The following GUCA1C variants were observed in gnomAD, a reference collection of about 807,000 sequenced individuals.
GUCA1C encodes guanylyl cyclase-activating protein 3.
GUCA1C carries 15 observed loss-of-function variants against 16.2 expected under a neutral mutation model. The observed-to-expected ratio is 0.93, with a 90% CI of 0.62 to 1.43. The LOEUF (loss-of-function observed/expected upper bound fraction) is 1.43. Ranked by LOEUF, GUCA1C falls within the 40% of genes most tolerant of loss-of-function variation. The pLI, the probability that GUCA1C is intolerant of heterozygous loss-of-function variation, is 0.00. For synonymous variants in GUCA1C, 78 were observed against 85.4 expected (o/e 0.91, Z 0.48); for missense variants, 275 against 244.8 (o/e 1.12, Z -0.82).
chr3:108,950,482 T>C (rs970188449), intron 1 of GUCA1C, among the ~76,000 whole-genome samples: 6 of 152,216 alleles, frequency 3.9e-5, no homozygotes, highest in African/African-American at 1.2e-4. Flanking sequence ...CTGTTTTCCA[T>C]AGTAGCTGTA....
chr3:108,945,372 T>C (rs1156465559), intron 1 of GUCA1C, among the ~76,000 whole-genome samples: 1 of 152,206 alleles, frequency 6.6e-6, no homozygotes, highest in Non-Finnish European at 1.5e-5. Context: ...TCAAGTCCCA[T>C]CATCTCACCT....
chr3:108,935,751 A>G (rs1946721432), intron 1 of GUCA1C, among the ~76,000 whole-genome samples: 1 of 152,132 alleles, frequency 6.6e-6, no homozygotes. Context: ...GTACGAATAT[A>G]TGGTTAATTT....
intron 1 of GUCA1C, among the ~76,000 whole-genome samples, chr3:108,944,078 G>T (rs530777197): frequency 2.0e-5 from 3 of 151,898 alleles, no homozygotes; most frequent in Admixed American, 1.3e-4. Flanking sequence ...ATAAAGAAAA[G>T]AAATATATTT....
intron 1 of GUCA1C, among the ~76,000 whole-genome samples, chr3:108,945,921 A>C (rs1290454199): frequency 6.6e-6 from 1 of 152,166 alleles, no homozygotes; most frequent in East Asian, 1.9e-4. Flanking sequence ...GTGTGAGCTG[A>C]TTGTTAAATT....
chr3:108,919,944 G>A (rs1946554026), intron 2 of GUCA1C, among the ~76,000 whole-genome samples: 1 of 152,164 alleles, frequency 6.6e-6, no homozygotes, highest in African/African-American at 2.4e-5. Context: ...TGGGGTGGTG[G>A]TACAGTGGCT....
intron 1 of GUCA1C, among the ~76,000 whole-genome samples, chr3:108,923,382 C>T (rs1408025629): frequency 1.3e-5 from 2 of 152,136 alleles, no homozygotes; most frequent in African/African-American, 2.4e-5. Context: ...TGCCAATTAT[C>T]CCAGCACCAT....
intron 1 of GUCA1C, among the ~76,000 whole-genome samples, chr3:108,933,344 C>A: frequency 6.6e-6 from 1 of 151,280 alleles, no homozygotes; most frequent in Non-Finnish European, 1.5e-5. Context: ...ATAATTTTAA[C>A]CCCAACATGT....
At chr3:108,946,547 C>G (rs1436349830) in intron 1 of GUCA1C, among the ~76,000 whole-genome samples, 2 of 152,164 alleles carry the variant, frequency 1.3e-5, no homozygotes, top group Non-Finnish European at 1.5e-5. Flanking sequence ...CCACCTGAAC[C>G]TAGCAGACAA....
At position 108,916,182 on chromosome 3, in the gene GUCA1C, C is replaced by CA. The variant is rs775773255; in HGVS notation, c.386dup (p.Ser130GlufsTer3). The CA allele has an allele frequency of 3.1e-6, 5 of 1,613,660 alleles. No homozygotes were observed. The African/African-American group carries it at 6.7e-5, about 22-fold the overall frequency. ...CCAAGTTGATGAATTCTTCAGGACT[C>CA]AGAGTTTGCTGGCCATTGAGGGCTT... On this transcript the variant is annotated frameshift_variant, in exon 3 of 4. Coordinates refer to ENST00000261047, the MANE Select transcript of GUCA1C (RefSeq NM_005459.4). LOFTEE classifies it high-confidence loss of function.
chr3:108,953,716 G>A lies in GUCA1C; in HGVS notation c.47C>T (p.Thr16Ile). ...TCTGTACCACACATGGGTCTCTTGTGTAGGAACTGCTTTCTGATCACCAGC... is the reference window on the plus strand; with the variant it reads ...TCTGTACCACACATGGGTCTCTTGTATAGGAACTGCTTTCTGATCACCAGC... Reference protein sequence around the residue: ...SIAGDQKAVPTQETHVWYRTF... With the variant: ...SIAGDQKAVPIQETHVWYRTF... Residue 16 changes from threonine (T) to isoleucine (I), a missense_variant, in exon 1 of 4, where the codon ACA (threonine) becomes ATA (isoleucine). Physicochemically the swap from Thr to Ile is moderately conservative, Grantham distance 89 (BLOSUM62 -1). Coordinates refer to ENST00000261047, the MANE Select transcript of GUCA1C (RefSeq NM_005459.4). 6.2e-7 allele frequency: 1 copy of A among 1,613,320 alleles called. No homozygotes were observed. The highest frequency in any genetic ancestry group is 8.5e-7 in the Non-Finnish European group (1 of 1,179,280).
intron 1 of GUCA1C, among the ~76,000 whole-genome samples, chr3:108,948,825 C>T (rs559465718): frequency 6.6e-6 from 1 of 150,490 alleles, no homozygotes; most frequent in Admixed American, 6.6e-5. Flanking sequence ...CCTTGTGAAA[C>T]TTGTGTCTAA....
intron 2 of GUCA1C, 25 bp downstream of exon 2, chr3:108,920,411 A>C: frequency 1.3e-6 from 2 of 1,585,592 alleles, no homozygotes; most frequent in Non-Finnish European, 1.7e-6. Context: ...GCGGCCTGAA[A>C]AGGATACTTT....
intron 1 of GUCA1C, among the ~76,000 whole-genome samples, chr3:108,950,670 A>G (rs1946887948): frequency 6.6e-6 from 1 of 152,208 alleles, no homozygotes; most frequent in Admixed American, 6.5e-5. Context: ...TTTTATTTTA[A>G]GCACTATCCT....
At chr3:108,954,872 G>A (rs1946933107), upstream of GUCA1C, among the ~76,000 whole-genome samples, 1 of 151,822 alleles carries the variant, frequency 6.6e-6, no homozygotes, top group South Asian at 2.1e-4. Context: ...GAGTAGCTGG[G>A]ACTACAGGCG....
chr3:108,927,432 CTTTTT>C (rs55930777), intron 1 of GUCA1C, among the ~76,000 whole-genome samples: 4 of 128,274 alleles, frequency 3.1e-5, no homozygotes, highest in Admixed American at 7.8e-5. Flanking sequence ...TTTTTTAATT[CTTTTT>C]TTTTTTTTTT....
intron 1 of GUCA1C, among the ~76,000 whole-genome samples, chr3:108,949,437 C>CTGTA (rs1040089369): frequency 1.2e-4 from 19 of 152,170 alleles, no homozygotes; most frequent in African/African-American, 4.3e-4. Flanking sequence ...GAGCCAAAGC[C>CTGTA]TGTAGACAGA....
At chr3:108,915,191 T>G (rs547271691) in intron 3 of GUCA1C, among the ~76,000 whole-genome samples, 30 of 151,664 alleles carry the variant, frequency 2.0e-4, no homozygotes, top group Non-Finnish European at 3.8e-4. Context: ...ACACTCAACA[T>G]GGGAACATGT....
At chr3:108,929,688 G>T (rs1946650431) in intron 1 of GUCA1C, among the ~76,000 whole-genome samples, 2 of 151,942 alleles carry the variant, frequency 1.3e-5, no homozygotes, top group African/African-American at 4.8e-5. Flanking sequence ...ATGATAGAAG[G>T]CTGAATCCTC....
intron 1 of GUCA1C, among the ~76,000 whole-genome samples, chr3:108,947,830 T>G (rs997474255): frequency 9.9e-5 from 15 of 152,222 alleles, no homozygotes; most frequent in Admixed American, 8.5e-4. Flanking sequence ...TCATTTTAAA[T>G]TTTGGTAGTT....
Sources: gnomAD v4.1 joint callset for allele counts (sites outside exome capture counted in the v4.1 genomes callset) on GRCh38, gnomAD v4.1.1 for gene constraint, MANE v1.5 for transcripts, NCBI Gene and HGNC (gene_info 2026-07-23, HGNC 2026-07-21) for gene names.